MACROD2: variants seen among roughly 807,000 people sequenced by gnomAD.
MACROD2 encodes mono-ADP ribosylhydrolase 2, also known as ADP-ribose glycohydrolase MACROD2.
MACROD2 carries 36 observed loss-of-function variants against 70.4 expected under a neutral mutation model. The ratio of observed to expected loss-of-function variants is 0.51; its 90% CI spans 0.39 to 0.68. The LOEUF is 0.68. Among genes scored for constraint, MACROD2 ranks in the 30% least tolerant of loss-of-function variants. The probability of loss-of-function intolerance (pLI) is 0.00; values close to 1 mark genes in which losing one functional copy is unlikely to be tolerated. For missense variants in MACROD2, 496 were observed against 538.4 expected (o/e 0.92, Z 0.78); for synonymous variants, 172 against 178.8 (o/e 0.96, Z 0.30).
intron 5 of MACROD2, among the ~76,000 whole-genome samples, chr20:14,708,730 G>C (rs1051679876): frequency 6.6e-6 from 1 of 152,106 alleles, no homozygotes; most frequent in South Asian, 2.1e-4. Flanking sequence ...CGATTCTCCT[G>C]CCTCAGCCTC....
At chr20:15,641,321 CTAGAG>C (rs1261464919) in intron 8 of MACROD2, among the ~76,000 whole-genome samples, 1 of 152,144 alleles carries the variant, frequency 6.6e-6, no homozygotes, top group African/African-American at 2.4e-5. Context: ...GGCAGACTAA[CTAGAG>C]TAGAATTCAC....
chr20:15,919,330 G>A (rs2065367036), intron 10 of MACROD2, among the ~76,000 whole-genome samples: 1 of 152,164 alleles, frequency 6.6e-6, no homozygotes, highest in Non-Finnish European at 1.5e-5. Context: ...GTTCCTATCT[G>A]TCTTTTGATG....
At chr20:15,062,882 T>G (rs2123084814) in intron 5 of MACROD2, among the ~76,000 whole-genome samples, 1 of 152,252 alleles carries the variant, frequency 6.6e-6, no homozygotes, top group South Asian at 2.1e-4. Flanking sequence ...CCTGCACTGG[T>G]GTCCAAAACT....
chr20:15,236,492 G>A (rs1281783418), intron 6 of MACROD2, among the ~76,000 whole-genome samples: 5 of 152,164 alleles, frequency 3.3e-5, no homozygotes, highest in African/African-American at 7.2e-5. Context: ...AATAAGAATA[G>A]CAAATGTTTC....
chr20:15,568,618 G>A (rs1272893472), intron 8 of MACROD2, among the ~76,000 whole-genome samples: 10 of 152,138 alleles, frequency 6.6e-5, no homozygotes, highest in Non-Finnish European at 1.3e-4. Flanking sequence ...TCATGCTTAT[G>A]GCCCTTTGAT....
intron 6 of MACROD2, among the ~76,000 whole-genome samples, chr20:15,403,112 A>T (rs557925627): frequency 1.3e-5 from 2 of 152,080 alleles, no homozygotes; most frequent in Admixed American, 1.3e-4. Context: ...GATTATAGGC[A>T]CCTGCTACCA....
chr20:14,849,529 C>G (rs2073176550), intron 5 of MACROD2, among the ~76,000 whole-genome samples: 1 of 152,112 alleles, frequency 6.6e-6, no homozygotes, highest in Non-Finnish European at 1.5e-5. Context: ...GCCTGTAATC[C>G]TAGCACTTTG....
At chr20:15,855,684 C>T (rs2064348919) in intron 8 of MACROD2, among the ~76,000 whole-genome samples, 1 of 152,186 alleles carries the variant, frequency 6.6e-6, no homozygotes, top group South Asian at 2.1e-4. Context: ...ACCAACCCTC[C>T]ACCCCAGGGT....
intron 8 of MACROD2, among the ~76,000 whole-genome samples, chr20:15,782,717 C>CAAAAAAAAAAAAAAAAAAAAAAAAAAA (rs11472322): frequency 3.6e-5 from 3 of 83,350 alleles, no homozygotes; most frequent in Non-Finnish European, 7.3e-5. Context: ...AGAGAAATGG[C>CAAAAAAAAAAAAAAAAAAAAAAAAAAA]AAAAAAAAAA....
intron 3 of MACROD2, among the ~76,000 whole-genome samples, chr20:14,414,539 A>G (rs1043635183): frequency 6.6e-6 from 1 of 152,190 alleles, no homozygotes; most frequent in African/African-American, 2.4e-5. Context: ...TAGTGCAAAT[A>G]CAGTATTTTA....
At chr20:15,732,318 G>C (rs1006311819) in intron 8 of MACROD2, among the ~76,000 whole-genome samples, 1 of 152,034 alleles carries the variant, frequency 6.6e-6, no homozygotes, top group African/African-American at 2.4e-5. Context: ...ACATTTCCTG[G>C]CATCTTCCCA....
intron 3 of MACROD2, among the ~76,000 whole-genome samples, chr20:14,191,477 G>A (rs986004397): frequency 3.3e-5 from 5 of 152,268 alleles, no homozygotes; most frequent in Admixed American, 3.3e-4. Context: ...TCACCTATCT[G>A]TAGAACAAAA....
intron 2 of MACROD2, among the ~76,000 whole-genome samples, chr20:14,045,691 C>T (rs1205749386): frequency 6.6e-6 from 1 of 152,002 alleles, no homozygotes; most frequent in Non-Finnish European, 1.5e-5. Context: ...GAATTAGACC[C>T]CTGTGAATGT....
intron 8 of MACROD2, among the ~76,000 whole-genome samples, chr20:15,757,181 A>G (rs2051360481): frequency 6.6e-6 from 1 of 152,346 alleles, no homozygotes; most frequent in Non-Finnish European, 1.5e-5. Flanking sequence ...AACAAAATGG[A>G]AGGAGTTCTC....
chr20:14,520,041 C>A (rs959348893), intron 4 of MACROD2, among the ~76,000 whole-genome samples: 8 of 152,052 alleles, frequency 5.3e-5, no homozygotes, highest in African/African-American at 1.9e-4. Context: ...AAGAGGCAAA[C>A]AACAGACACG....
chr20:15,435,025 C>A (rs143036429), intron 7 of MACROD2, among the ~76,000 whole-genome samples: 1 of 150,368 alleles, frequency 6.7e-6, no homozygotes, highest in Non-Finnish European at 1.5e-5. Flanking sequence ...TTGAGGGTGA[C>A]GGGTGGGAGG....
intron 5 of MACROD2, among the ~76,000 whole-genome samples, chr20:14,789,460 A>ATTCTTTTTTTTTTTTTTTTTTTTTTTTTT (rs1555830595): frequency 2.1e-5 from 1 of 48,326 alleles, no homozygotes; most frequent in African/African-American, 8.6e-5. Context: ...GGTAGTGCAA[A>ATTCTTTTTTTTTTTTTTTTTTTTTTTTTT]TTTTTTTTTT....
intron 5 of MACROD2, chr20:14,887,992 CT>C (rs1462055964): frequency 3.3e-5 from 5 of 152,066 alleles, no homozygotes; most frequent in African/African-American, 1.2e-4. Context: ...GCCTCTGAGC[CT>C]GGGACCAGTC....
At chr20:15,600,800 C>T (rs1230105832) in intron 8 of MACROD2, among the ~76,000 whole-genome samples, 2 of 152,104 alleles carry the variant, frequency 1.3e-5, no homozygotes, top group Non-Finnish European at 2.9e-5. Context: ...AATGCAGTGG[C>T]AGAGAAGAGC....
Sources: allele counts gnomAD v4.1 joint callset (sites outside exome capture counted in the v4.1 genomes callset), GRCh38; gene constraint gnomAD v4.1.1; transcripts MANE v1.5; gene names NCBI Gene and HGNC (gene_info 2026-07-23, HGNC 2026-07-21).